The following GNB1L variants were observed in gnomAD, a reference collection of about 807,000 sequenced individuals.
GNB1L encodes the protein G protein subunit beta 1 like.
GNB1L carries 20 observed loss-of-function variants against 29.1 expected under a neutral mutation model. The ratio of observed to expected loss-of-function variants is 0.69; its 90% CI spans 0.48 to 1.00. GNB1L has a LOEUF of 1.00. GNB1L is among the 50% of genes least tolerant of loss of function. GNB1L has a pLI of 0.00. For synonymous variants in GNB1L, 193 were observed against 206.5 expected, an observed-to-expected ratio of 0.93 and a Z score of 0.56; for missense variants, 421 against 464.9, an observed-to-expected ratio of 0.91 and a Z score of 0.87.
At chr22:19,851,842 G>A (rs200814178) in intron 2 of GNB1L, 141 of 1,613,866 alleles carry the variant, frequency 8.7e-5, no homozygotes, top group Admixed American at 2.8e-4. Context: ...TGAGGATCTC[G>A]CAGACACGGC....
At chr22:19,848,652 G>A in intron 2 of GNB1L, 1 of 985,472 alleles carries the variant, frequency 1.0e-6, no homozygotes, top group Non-Finnish European at 1.2e-6. Flanking sequence ...AGGTCACCTG[G>A]ACTCTCCCAA....
At chr22:19,847,332 G>A (rs1319430444) in intron 2 of GNB1L, 2 of 985,314 alleles carry the variant, frequency 2.0e-6, no homozygotes, top group African/African-American at 1.7e-5. Flanking sequence ...TGATCCTGCA[G>A]GGTAACAGCT....
At chr22:19,847,551 A>T (rs574847941) in intron 2 of GNB1L, 1 of 982,218 alleles carries the variant, frequency 1.0e-6, no homozygotes, top group Non-Finnish European at 1.2e-6. Context: ...CCCTCAGCTC[A>T]TGCGGGGAGG....
In GNB1L at chr22:19,785,931, AGCCACATGGCTCT is replaced by A. The variant is rs1188991755; in HGVS notation, c.*2765_*2777del. ...TTGACACAAAGGCCGACCTGTCCAGAGCCACATGGCTCTGCTGTGGACACCACGGAGCAGCTCA... is the reference window on the plus strand; with the variant it reads ...TTGACACAAAGGCCGACCTGTCCAGAGCTGTGGACACCACGGAGCAGCTCA... On this transcript the variant is annotated 3_prime_UTR_variant, in exon 8 of 8. Coordinates refer to ENST00000329517, the MANE Select transcript of GNB1L (RefSeq NM_053004.3). The surrounding 1 kb of genome is among the most constrained non-coding windows in gnomAD (Gnocchi z 4.1). 6.6e-6 allele frequency: 1 copy of A among 152,364 alleles called. No individual in the cohort carries two copies. Among genetic ancestry groups the A allele is most frequent in the East Asian group, 1.9e-4 (1 of 5,198 alleles). The allele number at this position is 152,364 out of a possible 1,614,324, so 9.4% of individuals were successfully genotyped here.
At chr22:19,789,127 G>T (rs1344151249) in intron 7 of GNB1L, among the ~76,000 whole-genome samples, 167 bp from the exon 8 acceptor site, 3 of 152,288 alleles carry the variant, frequency 2.0e-5, no homozygotes, top group African/African-American at 7.2e-5. Flanking sequence ...CTAAGGCCAC[G>T]ATGGGGGACT....
intron 2 of GNB1L, among the ~76,000 whole-genome samples, chr22:19,839,569 C>T (rs1485898293): frequency 6.6e-6 from 1 of 151,360 alleles, no homozygotes; most frequent in Non-Finnish European, 1.5e-5. Flanking sequence ...ACAGGGAGAC[C>T]CTGTCTCTAC....
chr22:19,838,600 A>G (rs1197332586), intron 2 of GNB1L, among the ~76,000 whole-genome samples: 1 of 151,836 alleles, frequency 6.6e-6, no homozygotes, highest in Non-Finnish European at 1.5e-5. Flanking sequence ...CCTCCTGGGT[A>G]GCTGGATTAC....
rs199842548 is a variant in GNB1L, at chr22:19,812,333, C to G, written c.369G>C (p.Gly123=). 203 of 1,613,066 alleles carry G rather than the reference C, an allele frequency of 1.3e-4. No homozygotes were observed. The East Asian group carries it at 3.4e-3, about 27-fold the overall frequency. Residue 123 remains glycine (G), a synonymous_variant, in exon 5 of 8, where the codon GGG becomes GGC. Transcript: ENST00000329517. The part of the protein sequence containing the change: ...VGFCRSSILA[G]GQPRWTLAVP... Reference sequence around the variant, plus strand: ...CGGCAAGCGTCCAGCGTGGCTGGCCCCCGGCCAGGATGCTGCTCCGGCAGA... The same window carrying G: ...CGGCAAGCGTCCAGCGTGGCTGGCCGCCGGCCAGGATGCTGCTCCGGCAGA...
intron 2 of GNB1L, among the ~76,000 whole-genome samples, chr22:19,853,068 G>C (rs8140875): frequency 0.025 from 3,880 of 152,204 alleles, 154 homozygotes; most frequent in African/African-American, 0.089. Flanking sequence ...CTGCTTCCCC[G>C]ACAGAGCAGT....
At chr22:19,840,872 CT>C (rs1392955284) in intron 2 of GNB1L, among the ~76,000 whole-genome samples, 1 of 152,056 alleles carries the variant, frequency 6.6e-6, no homozygotes, top group African/African-American at 2.4e-5. Context: ...AACCTTTGTG[CT>C]TTTCTTCCCA....
At chr22:19,789,053 C>T (rs915599544) in intron 7 of GNB1L, 93 bp from the exon 8 acceptor site, 57 of 1,365,470 alleles carry the variant, frequency 4.2e-5, no homozygotes, top group Non-Finnish European at 5.4e-5. Context: ...CCAGGAGAGA[C>T]GCAGGCCCAC....
chr22:19,783,570 A>C lies in GNB1L; in HGVS notation c.*5139T>G, dbSNP rs1937163082. On this transcript the variant is annotated 3_prime_UTR_variant, in exon 8 of 8. Transcript: ENST00000329517. ...CACTGTCCCTGGTCTCTTAAAAGAA[A>C]AAACAAACAAACAAACCAAAAAACA... 1 of 166,814 alleles carries C rather than the reference A, an allele frequency of 6.0e-6. No individual in the cohort carries two copies. The highest frequency in any genetic ancestry group is 1.3e-5 in the Non-Finnish European group (1 of 76,830). The allele number at this position is 166,814 out of a possible 1,614,324, so 10.3% of individuals were successfully genotyped here.
intron 2 of GNB1L, among the ~76,000 whole-genome samples, chr22:19,831,560 A>G (rs1488270112): frequency 6.6e-6 from 1 of 151,604 alleles, no homozygotes; most frequent in Non-Finnish European, 1.5e-5. Flanking sequence ...GTGTGGTGGC[A>G]GGTGCCTGTA....
At chr22:19,824,945 G>A (rs1601339252) in intron 2 of GNB1L, among the ~76,000 whole-genome samples, 1 of 152,154 alleles carries the variant, frequency 6.6e-6, no homozygotes. Context: ...CCCTGCCCTC[G>A]GGCTGCACAG....
chr22:19,815,703 T>C (rs1234387107), intron 4 of GNB1L, among the ~76,000 whole-genome samples: 1 of 152,066 alleles, frequency 6.6e-6, no homozygotes, highest in East Asian at 1.9e-4. Context: ...CACTTCAGCC[T>C]CCCAAGTAGC....
chr22:19,851,035 C>T (rs1938081451), intron 2 of GNB1L: 4 of 1,444,068 alleles, frequency 2.8e-6, no homozygotes, highest in East Asian at 2.5e-5. Flanking sequence ...CCAAAACAAG[C>T]GCATCTTGCC....
chr22:19,846,967 C>T (rs931823177), intron 2 of GNB1L: 3 of 985,516 alleles, frequency 3.0e-6, no homozygotes, highest in Non-Finnish European at 3.6e-6. Context: ...CTCCCATCCT[C>T]AGCAGCACCA....
chr22:19,820,466 G>A, intron 4 of GNB1L, 132 bp downstream of exon 4: 1 of 991,580 alleles, frequency 1.0e-6, no homozygotes, highest in East Asian at 2.5e-5. Flanking sequence ...TGCCCTTGCT[G>A]CGGACCCTTT....
chr22:19,852,464 C>T (rs143681842), intron 2 of GNB1L: 78 of 596,136 alleles, frequency 1.3e-4, no homozygotes, highest in African/African-American at 1.2e-3. Flanking sequence ...GACTGTCAGT[C>T]GCAGGCCATC....
Sources: gnomAD v4.1 joint callset for allele counts (sites outside exome capture counted in the v4.1 genomes callset) on GRCh38, gnomAD v4.1.1 for gene constraint, Gnocchi (gnomAD v3.1) non-coding constraint, MANE v1.5 for transcripts, NCBI Gene and HGNC (gene_info 2026-07-23, HGNC 2026-07-21) for gene names.